ARMH4: variants seen among roughly 807,000 people sequenced by gnomAD.
The protein encoded by ARMH4 is armadillo-like helical domain-containing protein 4.
A neutral mutation model predicts 61.9 loss-of-function variants in ARMH4; 49 were observed. The ratio of observed to expected loss-of-function variants is 0.79; its 90% CI spans 0.63 to 1.00. The LOEUF (loss-of-function observed/expected upper bound fraction) is 1.00. ARMH4 is among the 50% of genes least tolerant of loss of function. The probability of loss-of-function intolerance (pLI) is 0.00; values close to 1 mark genes in which losing one functional copy is unlikely to be tolerated. For missense variants in ARMH4, 934 were observed against 930.0 expected, an observed-to-expected ratio of 1.00 and a Z score of -0.06; for synonymous variants, 368 against 341.5, an observed-to-expected ratio of 1.08 and a Z score of -0.85.
chr14:58,029,035 C>T (rs1161068516), intron 5 of ARMH4, among the ~76,000 whole-genome samples: 1 of 152,010 alleles, frequency 6.6e-6, no homozygotes, highest in Non-Finnish European at 1.5e-5. Context: ...TTTTTATCAA[C>T]ACCCCCCCTC....
intron 5 of ARMH4, among the ~76,000 whole-genome samples, chr14:58,053,253 A>T (rs1247836916): frequency 6.6e-6 from 1 of 152,254 alleles, no homozygotes; most frequent in Admixed American, 6.5e-5. Context: ...CAAGGAGAAC[A>T]TTAGCATATG....
intron 5 of ARMH4, among the ~76,000 whole-genome samples, chr14:58,047,954 G>T (rs946102183): frequency 1.3e-5 from 2 of 152,180 alleles, no homozygotes; most frequent in African/African-American, 4.8e-5. Flanking sequence ...AACCAGGCAA[G>T]TGAGCAAGTC....
intron 4 of ARMH4, among the ~76,000 whole-genome samples, chr14:58,113,199 G>T (rs1886410838): frequency 6.6e-6 from 1 of 152,098 alleles, no homozygotes. Context: ...GCTGGTTTTT[G>T]AAATTTCTAT....
chr14:58,061,429 C>A (rs572625189), intron 5 of ARMH4, among the ~76,000 whole-genome samples: 1 of 152,288 alleles, frequency 6.6e-6, no homozygotes, highest in Admixed American at 6.5e-5. Context: ...ACCGAGCCCA[C>A]CTCACTGCCT....
At position 58,065,391 on chromosome 14, in the gene ARMH4, T is replaced by C. The variant is rs952168889; in HGVS notation, c.2089+31333A>G. ...CCAAGCATCATAATTATTTATCATA[T>C]TCCTCGAAGAACCTCACTGATTTCC... On this transcript the variant is annotated intron_variant, in intron 5 of 7. Coordinates refer to ENST00000267485, the MANE Select transcript of ARMH4 (RefSeq NM_001001872.4). 9.2e-5 allele frequency among the ~76,000 whole-genome samples: 14 copies of C among 152,374 alleles called. 1 individual carries two copies. The highest frequency in any genetic ancestry group is 7.2e-4 in the Admixed American group (11 of 15,306).
In ARMH4 at chr14:58,004,552, G is replaced by A. The variant is rs1235590248; in HGVS notation, c.*184C>T. On this transcript the variant is annotated 3_prime_UTR_variant, in exon 8 of 8. Coordinates refer to ENST00000267485, the MANE Select transcript of ARMH4 (RefSeq NM_001001872.4). ...AATAAAACCAAATACTGCATGATAC[G>A]TTTAGTATACAACATGCCATTTCTG... 1.9e-5 allele frequency: 10 copies of A among 525,230 alleles called. No individual in the cohort carries two copies. Among genetic ancestry groups the A allele is most frequent in the Admixed American group, 3.1e-5 (1 of 32,040 alleles). The allele number at this position is 525,230 out of a possible 1,614,324, so 32.5% of individuals were successfully genotyped here.
At chr14:58,133,815 G>A (rs2139965146) in intron 2 of ARMH4, among the ~76,000 whole-genome samples, 1 of 152,300 alleles carries the variant, frequency 6.6e-6, no homozygotes, top group African/African-American at 2.4e-5. Flanking sequence ...TATTTACTGA[G>A]TTTCTATGTT....
chr14:58,071,932 T>A (rs533755166), intron 5 of ARMH4, among the ~76,000 whole-genome samples: 1 of 152,360 alleles, frequency 6.6e-6, no homozygotes, highest in South Asian at 2.1e-4. Context: ...ATGCTGTCTT[T>A]CTAATTTGTG....
At chr14:58,015,880 C>G (rs990423534) in intron 5 of ARMH4, among the ~76,000 whole-genome samples, 7 of 141,448 alleles carry the variant, frequency 4.9e-5, no homozygotes, top group African/African-American at 1.7e-4. Context: ...ACTCCTGCCT[C>G]TACAAAAAAT....
chr14:58,045,590 AC>A (rs1484871378), intron 5 of ARMH4, among the ~76,000 whole-genome samples: 3 of 151,588 alleles, frequency 2.0e-5, no homozygotes, highest in African/African-American at 7.3e-5. Context: ...CTGCACATGT[AC>A]CCTAGAACTT....
At chr14:58,061,067 T>C (rs1884515285) in intron 5 of ARMH4, among the ~76,000 whole-genome samples, 1 of 152,054 alleles carries the variant, frequency 6.6e-6, no homozygotes, top group African/African-American at 2.4e-5. Context: ...TAGAATAACA[T>C]CACATTCCAG....
chr14:58,089,138 C>G (rs1169826387), intron 5 of ARMH4, among the ~76,000 whole-genome samples: 3 of 152,210 alleles, frequency 2.0e-5, no homozygotes, highest in Non-Finnish European at 4.4e-5. Context: ...AGGTTTCTTT[C>G]CTTCCACTCA....
chr14:58,104,025 G>C (rs143335245), intron 4 of ARMH4, among the ~76,000 whole-genome samples: 123 of 152,272 alleles, frequency 8.1e-4, no homozygotes, highest in African/African-American at 2.8e-3. Context: ...AGAGAGGGTT[G>C]CAGGTAAGCA....
At chr14:58,067,653 G>C (rs968828418) in intron 5 of ARMH4, among the ~76,000 whole-genome samples, 1 of 152,154 alleles carries the variant, frequency 6.6e-6, no homozygotes, top group African/African-American at 2.4e-5. Context: ...ACTTGTTCCT[G>C]GGTGTAAAGC....
chr14:58,114,668 T>C (rs1454627324), intron 4 of ARMH4, among the ~76,000 whole-genome samples: 1 of 152,164 alleles, frequency 6.6e-6, no homozygotes, highest in Admixed American at 6.5e-5. Context: ...CATTTTTAAA[T>C]TCTCCAATTT....
intron 4 of ARMH4, among the ~76,000 whole-genome samples, chr14:58,104,491 G>A (rs908150063): frequency 6.6e-6 from 1 of 152,142 alleles, no homozygotes; most frequent in Non-Finnish European, 1.5e-5. Flanking sequence ...ATTAGAATGA[G>A]GTTTCTCTTT....
intron 5 of ARMH4, among the ~76,000 whole-genome samples, chr14:58,069,075 A>T (rs1463141869): frequency 4.6e-5 from 7 of 152,058 alleles, no homozygotes; most frequent in Non-Finnish European, 1.0e-4. Context: ...TAGTCCAAAC[A>T]TCCCCTGACC....
intron 5 of ARMH4, among the ~76,000 whole-genome samples, chr14:58,032,771 G>C (rs538780039): frequency 4.7e-4 from 71 of 152,236 alleles, no homozygotes; most frequent in Non-Finnish European, 5.7e-4. Context: ...TTCCCTTTCC[G>C]AGTCAAAGAA....
intron 5 of ARMH4, among the ~76,000 whole-genome samples, chr14:58,088,181 G>A (rs957226887): frequency 3.9e-5 from 6 of 152,104 alleles, no homozygotes; most frequent in African/African-American, 7.2e-5. Context: ...CAGGCAATAC[G>A]TGCATTTAAA....
Sources: allele counts gnomAD v4.1 joint callset (sites outside exome capture counted in the v4.1 genomes callset), GRCh38; gene constraint gnomAD v4.1.1; transcripts MANE v1.5; gene names NCBI Gene and HGNC (gene_info 2026-07-23, HGNC 2026-07-21).